The following TFEB variants were observed in gnomAD, a reference collection of about 807,000 sequenced individuals.
TFEB encodes transcription factor EB.
In TFEB, 12 loss-of-function variants were observed where a neutral mutation model predicts 48.0. The ratio of observed to expected loss-of-function variants is 0.25; its 90% CI spans 0.16 to 0.40. The LOEUF is 0.40. TFEB is among the 10% of genes least tolerant of loss of function. The probability of loss-of-function intolerance (pLI) is 1.00; values close to 1 mark genes in which losing one functional copy is unlikely to be tolerated. For synonymous variants in TFEB, 244 were observed against 261.4 expected (o/e 0.93, Z 0.64); for missense variants, 509 against 640.3 (o/e 0.79, Z 2.21).
intron 1 of TFEB, among the ~76,000 whole-genome samples, chr6:41,705,307 C>T (rs560608337): frequency 6.6e-6 from 1 of 152,306 alleles, no homozygotes; most frequent in African/African-American, 2.4e-5. Flanking sequence ...CAATGAGAAA[C>T]CTACGTCCTG....
chr6:41,734,819 C>T lies in TFEB; in HGVS notation c.-23+531G>A. On this transcript the variant is annotated intron_variant, in intron 1 of 8. Coordinates refer to ENST00000373033, the MANE Select transcript of TFEB (RefSeq NM_001271944.2). The surrounding 1 kb of genome is among the most constrained non-coding windows in gnomAD (Gnocchi z 4.0). ...TCCACCCGCCCCCCCATCAGCCCAG[C>T]CCCCGGGGCGTGGCGCCGCTCTGGC... The T allele has an allele frequency of 2.4e-6, 2 of 825,774 alleles. No individual in the cohort carries two copies. Among genetic ancestry groups the T allele is most frequent in the Non-Finnish European group, 2.9e-6 (2 of 684,634 alleles). 51.2% of individuals were successfully genotyped at this position (825,774 alleles called of 1,614,324 possible). A position where few individuals can be genotyped will look rare whatever the true frequency, so the allele number is the denominator to read the frequency against.
Position 41,690,849 on chromosome 6 carries a change from C to T in TFEB, c.282G>A (p.Glu94=), listed in dbSNP as rs138524794. Residue 94 remains glutamate (E), a synonymous_variant, in exon 3 of 9, where the codon GAG becomes GAA. Transcript: ENST00000373033. ...LQQSQHQKVR[E]YLSETYGNKF... is the part of the protein sequence containing the mutation. ...TGTTCCCATAGGTCTCGGACAGGTA[C>T]TCCCGCACCTTCTGATGCTGCGACT... is the stretch of plus-strand genomic sequence containing the variant. 64 of 1,611,336 alleles carry T rather than the reference C, an allele frequency of 4.0e-5. No individual in the cohort carries two copies. Among genetic ancestry groups the T allele is most frequent in the Admixed American group, 1.0e-4 (6 of 59,928 alleles).
rs143013930 is a variant in TFEB, at chr6:41,735,193, C to T, written c.-23+157G>A. On this transcript the variant is annotated intron_variant, in intron 1 of 8. Coordinates refer to ENST00000373033, the MANE Select transcript of TFEB (RefSeq NM_001271944.2). Reference sequence around the variant, plus strand: ...CGCTGGGCGCCCGGGGGCGGACGGACTGCGGGTGGGTGGCGGCGCGCACGG... The same window carrying T: ...CGCTGGGCGCCCGGGGGCGGACGGATTGCGGGTGGGTGGCGGCGCGCACGG... 6 of 908,364 alleles carry T rather than the reference C, an allele frequency of 6.6e-6. No homozygotes were observed. In the African/African-American group the frequency reaches 9.0e-5, roughly 14 times the overall value. The allele number at this position is 908,364 out of a possible 1,614,324, so 56.3% of individuals were successfully genotyped here. A position where few individuals can be genotyped will look rare whatever the true frequency, so the allele number is the denominator to read the frequency against.
At chr6:41,697,580 C>T (rs1411099589) in intron 1 of TFEB, among the ~76,000 whole-genome samples, 1 of 144,252 alleles carries the variant, frequency 6.9e-6, no homozygotes, top group Non-Finnish European at 1.5e-5. Flanking sequence ...ACTGCCAGAG[C>T]ATACCTTGGT....
intron 1 of TFEB, among the ~76,000 whole-genome samples, chr6:41,705,092 A>G (rs562672582): frequency 6.4e-4 from 98 of 152,300 alleles, no homozygotes; most frequent in African/African-American, 2.2e-3. Context: ...CAGTACACAC[A>G]CACTGCACCA....
chr6:41,716,289 A>T (rs2127258028), intron 1 of TFEB, among the ~76,000 whole-genome samples: 1 of 152,222 alleles, frequency 6.6e-6, no homozygotes, highest in South Asian at 2.1e-4. Context: ...CCCCCTCCCT[A>T]TAATGTCTGC....
At chr6:41,693,392 G>A (rs1769408569) in intron 1 of TFEB, among the ~76,000 whole-genome samples, 1 of 152,186 alleles carries the variant, frequency 6.6e-6, no homozygotes, top group South Asian at 2.1e-4. Context: ...TCCTTTTATA[G>A]ATAAGGAGAA....
rs1771573102 is a variant in TFEB, at chr6:41,734,212, A to T, written c.-23+1138T>A. 3.0e-6 allele frequency: 1 copy of T among 328,408 alleles called. No homozygotes were observed. The highest frequency in any genetic ancestry group is 2.2e-5 in the African/African-American group (1 of 44,664). The allele number at this position is 328,408 out of a possible 1,614,324, so 20.3% of individuals were successfully genotyped here. A position where few individuals can be genotyped will look rare whatever the true frequency, so the allele number is the denominator to read the frequency against. The stretch of plus-strand genomic sequence containing the variant: ...CTGGAGCTGAGGGGGGTTCGGGGGA[A>T]GGCGCAGCGGCCAGGGGCTGGCGGA... On this transcript the variant is annotated intron_variant, in intron 1 of 8. Transcript: ENST00000373033. This position sits in a 1 kb window ranked among gnomAD's most constrained non-coding sequence, Gnocchi z 4.0.
chr6:41,736,049 G>A, upstream of TFEB: 1 of 1,502,040 alleles, frequency 6.7e-7, no homozygotes, highest in Non-Finnish European at 9.3e-7. Context: ...GATCATAAGG[G>A]GCAAGGCCAG....
In TFEB at chr6:41,714,743, C is replaced by T. The variant is rs189416503; in HGVS notation, c.-23+20607G>A. ...CGCTGGAAGCTCTACCCTTGAGTGG[C>T]GGCCCGGCCCCAGAGAGGCCCTGGA... On this transcript the variant is annotated intron_variant, in intron 1 of 8. Coordinates refer to ENST00000373033, the MANE Select transcript of TFEB (RefSeq NM_001271944.2). Among the ~76,000 whole-genome samples, 89 of 152,244 alleles carry T rather than the reference C, an allele frequency of 5.8e-4. 1 individual carries two copies. The East Asian group carries it at 0.014, about 24-fold the overall frequency.
At chr6:41,735,658 AGCCGCTCT>A, upstream of TFEB, 1 of 770,846 alleles carries the variant, frequency 1.3e-6, no homozygotes, top group Non-Finnish European at 1.6e-6. Flanking sequence ...CCCGCCTCCC[AGCCGCTCT>A]GCCTCGGCGC....
intron 1 of TFEB, among the ~76,000 whole-genome samples, chr6:41,698,042 A>G (rs1301509271): frequency 6.6e-6 from 1 of 152,152 alleles, no homozygotes; most frequent in East Asian, 1.9e-4. Flanking sequence ...CTAATTGAAA[A>G]AAAAATATTT....
intron 3 of TFEB, 26 bp from the exon 4 acceptor site, chr6:41,689,837 G>A (rs1175652251): frequency 6.2e-7 from 1 of 1,602,520 alleles, no homozygotes; most frequent in Admixed American, 1.7e-5. Flanking sequence ...GTCCATCTGG[G>A]GAGGGCCCAC....
At chr6:41,727,157 C>T (rs554520113) in intron 1 of TFEB, among the ~76,000 whole-genome samples, 29 of 152,246 alleles carry the variant, frequency 1.9e-4, no homozygotes, top group Non-Finnish European at 4.1e-4. Flanking sequence ...CTCACCCTAC[C>T]GTGGACCATT....
In TFEB at chr6:41,687,960, G is replaced by A. The variant is rs551041153; in HGVS notation, c.618C>T (p.Gly206=). 39 of 1,614,034 alleles carry A rather than the reference G, an allele frequency of 2.4e-5. No homozygotes were observed. The highest frequency in any genetic ancestry group is 1.2e-4 in the African/African-American group (9 of 75,054). Residue 206 remains glycine (G), a synonymous_variant, in exon 5 of 9, where the codon GGC becomes GGT. Coordinates refer to ENST00000373033, the MANE Select transcript of TFEB (RefSeq NM_001271944.2). Reference sequence around the variant, plus strand: ...CCGCAGGGCAGGAGCTGCTGGTGACGCCCACCAGGGAGGCTGTGACCTGGG... The same window carrying A: ...CCGCAGGGCAGGAGCTGCTGGTGACACCCACCAGGGAGGCTGTGACCTGGG... ...SDPQVTASLV[G]VTSSSCPADL...
At chr6:41,729,836 A>T (rs1258724696) in intron 1 of TFEB, among the ~76,000 whole-genome samples, 1 of 152,248 alleles carries the variant, frequency 6.6e-6, no homozygotes, top group East Asian at 1.9e-4. Flanking sequence ...CAGGCCTACC[A>T]GGCCCAAAGT....
At chr6:41,703,448 CT>C (rs1770043076) in intron 1 of TFEB, among the ~76,000 whole-genome samples, 1 of 151,420 alleles carries the variant, frequency 6.6e-6, no homozygotes, top group Non-Finnish European at 1.5e-5. Flanking sequence ...GCCCCTGCTC[CT>C]GGGGCTGCTC....
At chr6:41,701,333 G>T (rs1769910745) in intron 1 of TFEB, among the ~76,000 whole-genome samples, 2 of 152,216 alleles carry the variant, frequency 1.3e-5, no homozygotes, top group African/African-American at 4.8e-5. Flanking sequence ...TCCTGCCTGT[G>T]TCTGCCATGC....
chr6:41,706,451 C>A (rs911261476), intron 1 of TFEB, among the ~76,000 whole-genome samples: 1 of 152,092 alleles, frequency 6.6e-6, no homozygotes, highest in Non-Finnish European at 1.5e-5. Flanking sequence ...AGGAACTCAG[C>A]GGGGGCTCTT....
Sources: gnomAD v4.1 joint callset for allele counts (sites outside exome capture counted in the v4.1 genomes callset) on GRCh38, gnomAD v4.1.1 for gene constraint, Gnocchi (gnomAD v3.1) non-coding constraint, MANE v1.5 for transcripts, NCBI Gene and HGNC (gene_info 2026-07-23, HGNC 2026-07-21) for gene names.